UQCRC1: variants seen among roughly 807,000 people sequenced by gnomAD.
The protein encoded by UQCRC1 is ubiquinol-cytochrome c reductase core protein 1, also known as cytochrome b-c1 complex subunit 1, mitochondrial.
UQCRC1 carries 34 observed loss-of-function variants against 58.0 expected under a neutral mutation model. That is an observed-to-expected ratio of 0.59 (90% CI 0.45 to 0.78). The LOEUF (loss-of-function observed/expected upper bound fraction) is 0.78. Ranked by LOEUF, UQCRC1 falls within the 30% of genes least tolerant of loss-of-function variation. The pLI, the probability that UQCRC1 is intolerant of heterozygous loss-of-function variation, is 0.00. For missense variants in UQCRC1, 610 were observed against 646.0 expected (o/e 0.94, Z 0.60); for synonymous variants, 276 against 248.8 (o/e 1.11, Z -1.03).
At chr3:48,600,206 G>A in intron 10 of UQCRC1, 55 bp from the exon 11 acceptor site, 5 of 1,584,228 alleles carry the variant, frequency 3.2e-6, no homozygotes, top group Non-Finnish European at 4.3e-6. Flanking sequence ...TGGACCCACA[G>A]GTACACAAAC....
At chr3:48,600,016 G>A in intron 11 of UQCRC1, 47 bp downstream of exon 11, 7 of 1,609,822 alleles carry the variant, frequency 4.3e-6, no homozygotes, top group Non-Finnish European at 5.9e-6. Flanking sequence ...CCTCCCAGGT[G>A]TCTGCCAGGC....
At chr3:48,608,987 C>A (rs534205332) in intron 2 of UQCRC1, among the ~76,000 whole-genome samples, 175 bp downstream of exon 2, 2 of 152,232 alleles carry the variant, frequency 1.3e-5, no homozygotes, top group East Asian at 1.9e-4. Flanking sequence ...GAAGATTGTC[C>A]CGTGAAGCCA....
In UQCRC1 at chr3:48,609,228, C is replaced by A. The variant is rs565981804; in HGVS notation, c.144G>T (p.Thr48=). The A allele has an allele frequency of 6.2e-7, 1 of 1,612,932 alleles. No homozygotes were observed. Among genetic ancestry groups the A allele is most frequent in the Non-Finnish European group, 8.5e-7 (1 of 1,179,826 alleles). Residue 48 remains threonine, a synonymous_variant, in exon 2 of 13, where the codon ACG becomes ACT. Transcript: ENST00000203407. ...GGCCGTTGTCCAGCAGGCTAACCTG[C>A]GTCTCCGGCACGAACTGGAGCGCCT... ...FAQALQFVPE[T]QVSLLDNGLR... is the part of the protein sequence containing the mutation.
chr3:48,609,639 C>G lies in UQCRC1; in HGVS notation c.-19G>C, dbSNP rs752044531. The stretch of plus-strand genomic sequence containing the variant: ...CCGCCATCTTCCAGCTGCAGTCGGC[C>G]CTGTTGCGCCGCGCAAGCGTAGACT... On this transcript the variant is annotated 5_prime_UTR_variant, in exon 1 of 13. Coordinates refer to ENST00000203407, the MANE Select transcript of UQCRC1 (RefSeq NM_003365.3). 2 of 1,547,454 alleles carry G rather than the reference C, an allele frequency of 1.3e-6. No homozygotes were observed. Among genetic ancestry groups the G allele is most frequent in the Admixed American group, 1.9e-5 (1 of 52,864 alleles).
chr3:48,600,302 G>T, intron 10 of UQCRC1, 151 bp from the exon 11 acceptor site: 1 of 1,073,378 alleles, frequency 9.3e-7, no homozygotes, highest in Non-Finnish European at 1.4e-6. Flanking sequence ...ACCTATTATG[G>T]CAGTGATGGG....
chr3:48,605,799 C>T lies in UQCRC1; in HGVS notation c.268G>A (p.Gly90Ser), dbSNP rs1575514090. Residue 90 changes from glycine to serine, a missense_variant, in exon 3 of 13, where the codon GGC becomes AGC. Physicochemically the swap from Gly to Ser is moderately conservative, Grantham distance 56. Coordinates refer to ENST00000203407, the MANE Select transcript of UQCRC1 (RefSeq NM_003365.3). ...RFETEKNNGAGYFLEHLAFKG... is the reference protein window; with the variant it reads ...RFETEKNNGASYFLEHLAFKG... ...AAAGCCAGATGCTCCAAAAAGTAGC[C>T]TGCCCCATTATTCTTCTCAGTCTCA... is the stretch of plus-strand genomic sequence containing the variant. 1.2e-6 allele frequency: 2 copies of T among 1,613,924 alleles called. No individual in the cohort carries two copies. Among genetic ancestry groups the T allele is most frequent in the Non-Finnish European group, 1.7e-6 (2 of 1,179,946 alleles).
intron 4 of UQCRC1, 65 bp downstream of exon 4, chr3:48,604,586 G>T (rs2046395247): frequency 6.2e-7 from 1 of 1,607,714 alleles, no homozygotes; most frequent in African/African-American, 1.3e-5. Context: ...GGTCAGCCAG[G>T]GGCTCCTAGG....
At chr3:48,601,230 G>GCAGCCA (rs2046362662) in intron 7 of UQCRC1, 112 bp from the exon 8 acceptor site, 1 of 1,528,898 alleles carries the variant, frequency 6.5e-7, no homozygotes, top group East Asian at 2.4e-5. Context: ...CTGTGATGCA[G>GCAGCCA]CAGCCACAGA....
intron 6 of UQCRC1, among the ~76,000 whole-genome samples, chr3:48,603,164 C>T (rs2107845071): frequency 6.6e-6 from 1 of 152,342 alleles, no homozygotes; most frequent in South Asian, 2.1e-4. Context: ...ATCTTCCCCA[C>T]CCTTCTGTGC....
chr3:48,603,714 G>T, intron 5 of UQCRC1, 71 bp from the exon 6 acceptor site: 1 of 1,373,298 alleles, frequency 7.3e-7, no homozygotes, highest in Non-Finnish European at 1.0e-6. Context: ...TGCATGAATG[G>T]GACTGAGGAG....
Sources: allele counts gnomAD v4.1 joint callset (sites outside exome capture counted in the v4.1 genomes callset), GRCh38; gene constraint gnomAD v4.1.1; transcripts MANE v1.5; gene names NCBI Gene and HGNC (gene_info 2026-07-23, HGNC 2026-07-21).